ULK4: variants seen among roughly 807,000 people sequenced by gnomAD.
ULK4 encodes the protein unc-51 like kinase 4, also known as inactive serine/threonine-protein kinase ULK4.
A neutral mutation model predicts 160.6 loss-of-function variants in ULK4; 133 were observed. The observed-to-expected ratio is 0.83, with a 90% confidence interval of 0.72 to 0.96. The LOEUF (loss-of-function observed/expected upper bound fraction) is 0.96. Ranked by LOEUF, ULK4 falls within the 40% of genes least tolerant of loss-of-function variation. ULK4 has a pLI of 0.00. For synonymous variants in ULK4, 534 were observed against 539.8 expected (o/e 0.99, Z 0.15); for missense variants, 1,580 against 1,499.5 (o/e 1.05, Z -0.89).
At chr3:41,651,692 G>T (rs1319822154) in intron 30 of ULK4, among the ~76,000 whole-genome samples, 1 of 152,178 alleles carries the variant, frequency 6.6e-6, no homozygotes, top group South Asian at 2.1e-4. Context: ...GAATTTTCTT[G>T]TGGGCAACTA....
intron 31 of ULK4, among the ~76,000 whole-genome samples, chr3:41,579,612 G>C (rs1018431458): frequency 3.0e-4 from 45 of 148,218 alleles, no homozygotes; most frequent in African/African-American, 1.1e-3. Context: ...TCCTGCCTCA[G>C]CCTCCCGTGT....
chr3:41,415,980 A>T (rs371194005), intron 34 of ULK4, among the ~76,000 whole-genome samples: 54 of 152,324 alleles, frequency 3.5e-4, no homozygotes, highest in Middle Eastern at 3.4e-3. Flanking sequence ...TATGTCAAAC[A>T]TTATTGTTCC....
intron 2 of ULK4, among the ~76,000 whole-genome samples, chr3:41,952,853 T>C (rs918160187): frequency 2.6e-5 from 4 of 152,170 alleles, no homozygotes; most frequent in African/African-American, 9.7e-5. Flanking sequence ...GCTTTATATA[T>C]GTACAATGAA....
chr3:41,850,020 C>T (rs1253512461), intron 17 of ULK4, among the ~76,000 whole-genome samples: 1 of 152,122 alleles, frequency 6.6e-6, no homozygotes, highest in East Asian at 1.9e-4. Context: ...GCCCAAGTGT[C>T]CTCATTGTTC....
chr3:41,493,707 T>C (rs546556124), intron 32 of ULK4, among the ~76,000 whole-genome samples: 1 of 150,008 alleles, frequency 6.7e-6, no homozygotes, highest in African/African-American at 2.5e-5. Flanking sequence ...AAAAAAGAGA[T>C]AAGAATCAAA....
intron 31 of ULK4, among the ~76,000 whole-genome samples, chr3:41,583,264 T>C (rs1167700388): frequency 6.6e-6 from 1 of 152,214 alleles, no homozygotes; most frequent in East Asian, 1.9e-4. Context: ...CCATTAAACA[T>C]GCTCTTAGCT....
chr3:41,680,312 T>TTACAG (rs2035881324), intron 29 of ULK4, among the ~76,000 whole-genome samples: 2 of 152,180 alleles, frequency 1.3e-5, no homozygotes, highest in African/African-American at 4.8e-5. Flanking sequence ...AAAAGTATTC[T>TTACAG]TACAGTACAT....
intron 22 of ULK4, among the ~76,000 whole-genome samples, chr3:41,736,635 T>G (rs1406729608): frequency 1.3e-5 from 2 of 151,630 alleles, no homozygotes; most frequent in African/African-American, 4.9e-5. Context: ...TCTCCCATTC[T>G]GTAGGTTGCC....
chr3:41,423,511 A>C (rs2082705986), intron 34 of ULK4, among the ~76,000 whole-genome samples: 1 of 152,138 alleles, frequency 6.6e-6, no homozygotes, highest in Non-Finnish European at 1.5e-5. Flanking sequence ...TCCTATGACC[A>C]TCAAATGAGG....
chr3:41,663,535 T>C, intron 30 of ULK4, 72 bp downstream of exon 30: 1 of 1,385,204 alleles, frequency 7.2e-7, no homozygotes, highest in Non-Finnish European at 1.0e-6. Flanking sequence ...TCATCTTTAA[T>C]AACATTTTCA....
At chr3:41,714,345 T>A (rs2037193652) in intron 25 of ULK4, among the ~76,000 whole-genome samples, 1 of 152,182 alleles carries the variant, frequency 6.6e-6, no homozygotes, top group Admixed American at 6.5e-5. Context: ...TAGAAAACCA[T>A]ATCCTCACTT....
chr3:41,342,045 T>C (rs2080696770), intron 35 of ULK4, among the ~76,000 whole-genome samples: 1 of 152,076 alleles, frequency 6.6e-6, no homozygotes, highest in Admixed American at 6.5e-5. Context: ...TTAAATACAG[T>C]TTATGATAAG....
intron 32 of ULK4, among the ~76,000 whole-genome samples, chr3:41,556,487 C>CTTTTTTTTT: frequency 8.5e-6 from 1 of 117,082 alleles, no homozygotes; most frequent in Non-Finnish European, 1.6e-5. Context: ...CTCTACCAAA[C>CTTTTTTTTT]TTTTTTTTTT....
At chr3:41,934,097 G>A (rs1482403276) in intron 4 of ULK4, among the ~76,000 whole-genome samples, 1 of 151,726 alleles carries the variant, frequency 6.6e-6, no homozygotes, top group Non-Finnish European at 1.5e-5. Context: ...TTTCTAAATG[G>A]CTGAGAAACA....
intron 35 of ULK4, among the ~76,000 whole-genome samples, chr3:41,378,179 T>A (rs372914102): frequency 3.3e-5 from 4 of 119,902 alleles, no homozygotes; most frequent in East Asian, 2.6e-4. Context: ...AACAATGAGA[T>A]CACATGGACA....
intron 35 of ULK4, among the ~76,000 whole-genome samples, chr3:41,357,316 C>T (rs187298220): frequency 6.6e-6 from 1 of 152,254 alleles, no homozygotes; most frequent in African/African-American, 2.4e-5. Flanking sequence ...ACCTTGCCTC[C>T]TCAAGAAAGA....
Position 41,907,809 on chromosome 3 carries a change from T to C in ULK4, c.1182+36A>G, listed in dbSNP as rs59146151. ...ACAATTATTCTTGTGAGCTTCTACA[T>C]CTTATGTAGGAAGAAAATTTCCCAA... On this transcript the variant is annotated intron_variant, in intron 12 of 36. Coordinates refer to ENST00000301831, the MANE Select transcript of ULK4 (RefSeq NM_017886.4). The C allele has an allele frequency of 0.14, 192,356 of 1,388,602 alleles. 14,329 individuals are homozygous for C. The highest frequency in any genetic ancestry group is 0.22 in the Middle Eastern group (1,125 of 5,036). 86.0% of individuals were successfully genotyped at this position (1,388,602 alleles called of 1,614,324 possible).
intron 36 of ULK4, among the ~76,000 whole-genome samples, 174 bp from the exon 37 acceptor site, chr3:41,247,166 T>G (rs1307562077): frequency 1.3e-5 from 2 of 152,218 alleles, no homozygotes; most frequent in African/African-American, 4.8e-5. Flanking sequence ...GGGTTCAGAA[T>G]TGGCCATGCC....
At chr3:41,365,046 G>A (rs993898413) in intron 35 of ULK4, among the ~76,000 whole-genome samples, 3 of 152,134 alleles carry the variant, frequency 2.0e-5, no homozygotes, top group South Asian at 2.1e-4. Flanking sequence ...GAATAGCAAG[G>A]GGCTAGAGGT....
Sources: allele counts gnomAD v4.1 joint callset (sites outside exome capture counted in the v4.1 genomes callset), GRCh38; gene constraint gnomAD v4.1.1; transcripts MANE v1.5; gene names NCBI Gene and HGNC (gene_info 2026-07-23, HGNC 2026-07-21).